Variants in NCALD observed in about 807,000 individuals in gnomAD.
NCALD encodes the protein neurocalcin delta, also known as neurocalcin-delta.
A neutral mutation model predicts 18.6 loss-of-function variants in NCALD; 10 were observed. The ratio of observed to expected loss-of-function variants is 0.54; its 90% CI spans 0.33 to 0.91. The LOEUF is 0.91. NCALD is among the 40% of genes least tolerant of loss of function. NCALD has a pLI of 0.03. For synonymous variants in NCALD, 88 were observed against 87.4 expected, an observed-to-expected ratio of 1.01 and a Z score of -0.04; for missense variants, 184 against 247.6, an observed-to-expected ratio of 0.74 and a Z score of 1.72.
At chr8:101,862,592 C>A (rs964800602) in intron 4 of NCALD, among the ~76,000 whole-genome samples, 1 of 152,226 alleles carries the variant, frequency 6.6e-6, no homozygotes, top group African/African-American at 2.4e-5. Context: ...AGGAGGCACT[C>A]AATTTTAACT....
chr8:101,742,307 G>A (rs1255369638), intron 1 of NCALD, among the ~76,000 whole-genome samples: 2 of 152,142 alleles, frequency 1.3e-5, no homozygotes, highest in Admixed American at 1.3e-4. Context: ...AAGGAAGGAT[G>A]CTATATGTAA....
intron 2 of NCALD, among the ~76,000 whole-genome samples, chr8:101,924,870 T>C (rs570763184): frequency 1.3e-5 from 2 of 152,298 alleles, no homozygotes; most frequent in East Asian, 1.9e-4. Flanking sequence ...TTCATAAACA[T>C]AGACATTAAA....
intron 2 of NCALD, among the ~76,000 whole-genome samples, chr8:101,929,254 A>AGGAG: frequency 1.5e-5 from 1 of 67,070 alleles, no homozygotes; most frequent in African/African-American, 7.8e-5. Flanking sequence ...AGGAGGAGGA[A>AGGAG]GGGATGGAGG....
In NCALD at chr8:102,008,455, ACT is replaced by A. The variant is rs1821784432; in HGVS notation, c.-157+11780_-157+11781del. 3.4e-5 allele frequency among the ~76,000 whole-genome samples: 5 copies of A among 146,688 alleles called. No individual in the cohort carries two copies. In the Admixed American group the frequency reaches 3.5e-4, roughly 10 times the overall value. On this transcript the variant is annotated intron_variant, in intron 2 of 6. Coordinates refer to the NCALD transcript ENST00000311028. ...AATATGCTGTTCTGGCATATTGATG[ACT>A]CTGAATTAAAGGCAGTTAAAAAAAA...
chr8:101,867,532 G>A (rs923681370), intron 4 of NCALD, among the ~76,000 whole-genome samples: 2 of 152,112 alleles, frequency 1.3e-5, no homozygotes, highest in African/African-American at 4.8e-5. Flanking sequence ...TGGATTTTTA[G>A]CTCCACAGAA....
At chr8:101,968,103 G>A (rs971513926) in intron 2 of NCALD, among the ~76,000 whole-genome samples, 1 of 152,140 alleles carries the variant, frequency 6.6e-6, no homozygotes, top group Non-Finnish European at 1.5e-5. Context: ...AAGTTTTGGA[G>A]AGCCTATGAC....
chr8:101,997,721 C>T (rs1400695925), intron 2 of NCALD, among the ~76,000 whole-genome samples: 1 of 152,180 alleles, frequency 6.6e-6, no homozygotes, highest in Non-Finnish European at 1.5e-5. Context: ...CTGAGCCTCG[C>T]AGCAGAAGTT....
At chr8:101,793,592 C>A (rs904033410), upstream of NCALD, among the ~76,000 whole-genome samples, 2 of 152,114 alleles carry the variant, frequency 1.3e-5, no homozygotes, top group Non-Finnish European at 2.9e-5. Context: ...CAGATTCCTA[C>A]CAATTTGGTT....
intron 1 of NCALD, among the ~76,000 whole-genome samples, chr8:102,096,837 C>T (rs1357174481): frequency 6.6e-6 from 1 of 152,188 alleles, no homozygotes; most frequent in Non-Finnish European, 1.5e-5. Flanking sequence ...CTGCTTTTGT[C>T]GCTTCATTCT....
At chr8:101,702,232 C>CT (rs113050942) in intron 2 of NCALD, among the ~76,000 whole-genome samples, 133 of 146,200 alleles carry the variant, frequency 9.1e-4, no homozygotes, top group South Asian at 3.3e-3. Flanking sequence ...TAGTGTCATT[C>CT]TTTTTTTTTT....
chr8:102,079,734 C>T (rs900264330), intron 1 of NCALD, among the ~76,000 whole-genome samples: 2 of 152,216 alleles, frequency 1.3e-5, no homozygotes, highest in Non-Finnish European at 2.9e-5. Context: ...CAGCTAATCA[C>T]TTGACAGCTT....
At chr8:101,762,438 T>C (rs375689268) in intron 1 of NCALD, among the ~76,000 whole-genome samples, 1 of 152,286 alleles carries the variant, frequency 6.6e-6, no homozygotes, top group African/African-American at 2.4e-5. Context: ...ATAATATTAA[T>C]CTATTAATTT....
intron 1 of NCALD, among the ~76,000 whole-genome samples, chr8:102,035,471 A>G (rs976479386): frequency 2.0e-5 from 3 of 152,196 alleles, no homozygotes; most frequent in Non-Finnish European, 4.4e-5. Flanking sequence ...AACACAAAGA[A>G]TATCAACTTC....
chr8:102,099,197 T>C (rs367959380), intron 1 of NCALD, among the ~76,000 whole-genome samples: 24 of 152,334 alleles, frequency 1.6e-4, no homozygotes, highest in African/African-American at 5.5e-4. Context: ...GAGTTAGATA[T>C]CTGTCTCCTG....
chr8:101,867,694 AT>A (rs1205427030), intron 4 of NCALD, among the ~76,000 whole-genome samples: 3 of 152,196 alleles, frequency 2.0e-5, no homozygotes, highest in Non-Finnish European at 4.4e-5. Context: ...TATCGTGGAC[AT>A]TTTATTAATA....
chr8:101,691,596 T>C, intron 3 of NCALD: 1 of 985,412 alleles, frequency 1.0e-6, no homozygotes, highest in South Asian at 4.7e-5. Flanking sequence ...GTTAATTAAC[T>C]ATTAAAATAA....
At chr8:101,923,544 C>T (rs563317373) in intron 2 of NCALD, among the ~76,000 whole-genome samples, 52 of 152,180 alleles carry the variant, frequency 3.4e-4, no homozygotes, top group Non-Finnish European at 6.9e-4. Flanking sequence ...CCTAACTTTT[C>T]CTTTAAGATC....
chr8:101,763,355 C>A (rs150542992), intron 1 of NCALD, among the ~76,000 whole-genome samples: 4 of 152,216 alleles, frequency 2.6e-5, no homozygotes, highest in Non-Finnish European at 5.9e-5. Context: ...ACAAAATTTT[C>A]TGACAGGTTG....
intron 1 of NCALD, among the ~76,000 whole-genome samples, chr8:101,785,541 G>A (rs79182295): frequency 2.0e-5 from 3 of 152,048 alleles, no homozygotes; most frequent in African/African-American, 4.8e-5. Flanking sequence ...AGAGCCCTTC[G>A]CCCAATCCTG....
Sources: allele counts gnomAD v4.1 joint callset (sites outside exome capture counted in the v4.1 genomes callset), GRCh38; gene constraint gnomAD v4.1.1; transcripts MANE v1.5; gene names NCBI Gene and HGNC (gene_info 2026-07-23, HGNC 2026-07-21).